CRB2: variants seen among roughly 807,000 people sequenced by gnomAD.
CRB2 encodes protein crumbs homolog 2.
In CRB2, 85 loss-of-function variants were observed where a neutral mutation model predicts 110.9. The observed-to-expected ratio is 0.77, with a 90% CI of 0.64 to 0.92. The LOEUF (loss-of-function observed/expected upper bound fraction) is 0.92, where lower values mean the gene tolerates loss of function less well. Among genes scored for constraint, CRB2 ranks in the 40% least tolerant of loss-of-function variants. The pLI, the probability that CRB2 is intolerant of heterozygous loss-of-function variation, is 0.00. For synonymous variants in CRB2, 907 were observed against 831.0 expected (o/e 1.09, Z -1.57); for missense variants, 1,843 against 1,851.3 (o/e 1.00, Z 0.08).
In CRB2 at chr9:123,366,052, T is replaced by G; in HGVS notation, c.554T>G (p.Leu185Arg). ...GYGGTRCQLDLDECQSQPCAH... is the reference protein window; with the variant it reads ...GYGGTRCQLDRDECQSQPCAH... ...GGGGGCACCCGTTGCCAGCTGGACC[T>G]CGACGAGTGCCAGAGCCAGCCGTGC... Residue 185 changes from leucine (L) to arginine (R), a missense_variant, in exon 3 of 13, where the codon CTC becomes CGC. Physicochemically the swap from Leu to Arg is moderately radical, Grantham distance 102. Transcript: ENST00000373631. 6.3e-7 allele frequency: 1 copy of G among 1,580,818 alleles called. No individual in the cohort carries two copies. Among genetic ancestry groups the G allele is most frequent in the Non-Finnish European group, 8.5e-7 (1 of 1,171,138 alleles).
intron 4 of CRB2, 66 bp from the exon 5 acceptor site, chr9:123,367,106 G>A: frequency 1.4e-6 from 2 of 1,478,868 alleles, no homozygotes; most frequent in Non-Finnish European, 1.8e-6. Flanking sequence ...CGCTAGCCTG[G>A]TCATAGTGAA....
rs1245648995 is a variant in CRB2 at position 123,371,365 on chromosome 9, G to T, written c.2223G>T (p.Leu741=). The change falls in exon 8 of 13, where the codon CTG becomes CTT. Residue 741 remains leucine, a synonymous_variant. Transcript: ENST00000373631. The part of the protein sequence containing the change: ...LSFGPDQLQD[L]GQHVHVGGRL... ...TCGGGCCTGACCAGCTGCAGGACCT[G>T]GGGCAGCACGTGCACGTGGGTGGGA... The T allele has an allele frequency of 2.5e-6, 4 of 1,604,934 alleles. No homozygotes were observed. The highest frequency in any genetic ancestry group is 1.1e-5 in the South Asian group (1 of 89,580).
Position 123,371,093 on chromosome 9 carries a change from T to G in CRB2, c.1951T>G (p.Leu651Val), listed in dbSNP as rs769924172. 3 of 1,613,136 alleles carry G rather than the reference T, an allele frequency of 1.9e-6. No individual in the cohort carries two copies. The South Asian group carries it at 3.3e-5, about 18-fold the overall frequency. Residue 651 changes from leucine to valine, a missense_variant, in exon 8 of 13, where the codon TTG (leucine) becomes GTG (valine). Transcript: ENST00000373631. ...ADEIPAATFGLGGAPSSASFL... is the reference protein window; with the variant it reads ...ADEIPAATFGVGGAPSSASFL... ...AGAGATTCCTGCTGCCACCTTTGGC[T>G]TGGGAGGCGCCCCAAGCTCTGCCTC...
At chr9:123,359,443 T>TTTTTTTTTTTTTTTTTTG (rs2041839042) in intron 1 of CRB2, among the ~76,000 whole-genome samples, 1 of 44,090 alleles carries the variant, frequency 2.3e-5, no homozygotes, top group African/African-American at 5.4e-5. Flanking sequence ...TTTGTTTTGT[T>TTTTTTTTTTTTTTTTTTG]TTTTTTTTTT....
At chr9:123,379,432 G>C (rs12005921), downstream of CRB2, among the ~76,000 whole-genome samples, 1 of 152,196 alleles carries the variant, frequency 6.6e-6, no homozygotes, top group East Asian at 1.9e-4. Context: ...GGGCTGAGCA[G>C]GCCTGTTGCC....
At position 123,374,621 on chromosome 9, in the gene CRB2, C is replaced by T. The variant is rs747123538; in HGVS notation, c.3432C>T (p.Cys1144=). The stretch of plus-strand genomic sequence containing the variant: ...AGGAGTGCAGCCTGAATGTCACCTG[C>T]CTCGATGGCAGCCCATGTGAGGGTG... ...PSKECSLNVT[C]LDGSPCEGGS... is the part of the protein sequence containing the mutation. The change falls in exon 11 of 13, where the codon TGC becomes TGT. Residue 1144 remains cysteine (C), a synonymous_variant. Transcript: ENST00000373631. 1.9e-6 allele frequency: 3 copies of T among 1,613,454 alleles called. No homozygotes were observed. Among genetic ancestry groups the T allele is most frequent in the Non-Finnish European group, 2.5e-6 (3 of 1,179,958 alleles).
intron 12 of CRB2, among the ~76,000 whole-genome samples, chr9:123,376,524 G>A (rs2042105605): frequency 6.6e-6 from 1 of 152,184 alleles, no homozygotes; most frequent in Non-Finnish European, 1.5e-5. Flanking sequence ...TCTGCCTCAT[G>A]AGACCCTCGT....
rs759103285 is a variant in CRB2 at position 123,372,340 on chromosome 9, TGTGTGA to T, written c.2602+4_2602+9del. ...TGTGAGGAGGTCCCTGATGGCTTTGTGTGTGAGTGTGTGTCCTGGGCAGCTCCCGTG... is the reference window on the plus strand; with the variant it reads ...TGTGAGGAGGTCCCTGATGGCTTTGTGTGTGTGTCCTGGGCAGCTCCCGTG... On this transcript the variant is annotated splice_donor_variant and splice_donor_region_variant and coding_sequence_variant and intron_variant, in exon 9 of 13. Coordinates refer to ENST00000373631, the MANE Select transcript of CRB2 (RefSeq NM_173689.7). LOFTEE classifies it high-confidence loss of function. 1.9e-6 allele frequency: 3 copies of T among 1,589,378 alleles called. No homozygotes were observed. Among genetic ancestry groups the T allele is most frequent in the African/African-American group, 1.3e-5 (1 of 74,708 alleles).
At chr9:123,360,664 C>CTTT (rs2132736884) in intron 1 of CRB2, among the ~76,000 whole-genome samples, 2 of 152,304 alleles carry the variant, frequency 1.3e-5, no homozygotes, top group Admixed American at 1.3e-4. Flanking sequence ...AATCTGTATT[C>CTTT]TTAATGTGGG....
rs189535802 is a variant in CRB2, at chr9:123,366,477, C to T, written c.754+111C>T. The T allele has an allele frequency of 5.2e-4, 689 of 1,323,666 alleles. 7 individuals are homozygous for T. The African/African-American group carries it at 9.9e-3, about 19-fold the overall frequency. The allele number at this position is 1,323,666 out of a possible 1,614,324, so 82.0% of individuals were successfully genotyped here. On this transcript the variant is annotated intron_variant, in intron 4 of 12. Transcript: ENST00000373631. ...TGCACGCGAGTGCCCGCTGGGTCCT[C>T]GGGACCAGAGTGTGTGTGTGATTGC...
At chr9:123,368,645 A>T (rs1380304853) in intron 6 of CRB2, 1 of 344,432 alleles carries the variant, frequency 2.9e-6, no homozygotes, top group Non-Finnish European at 4.3e-6. Context: ...AGTTGAGCTC[A>T]CTGTTGGGTG....
chr9:123,374,553 C>T (rs1214830683), intron 10 of CRB2, 26 bp from the exon 11 acceptor site: 3 of 1,563,934 alleles, frequency 1.9e-6, no homozygotes, highest in Non-Finnish European at 2.6e-6. Flanking sequence ...GTCCTGCACC[C>T]ACTCCAGCCT....
At chr9:123,365,389 T>G (rs1262960136) in intron 2 of CRB2, among the ~76,000 whole-genome samples, 1 of 152,070 alleles carries the variant, frequency 6.6e-6, no homozygotes, top group African/African-American at 2.4e-5. Flanking sequence ...CACTGACACC[T>G]CCCACCCGAC....
rs767661644 is a variant in CRB2, at chr9:123,375,275, C to T, written c.3565C>T (p.Arg1189Trp). Residue 1189 changes from arginine (R) to tryptophan (W), a missense_variant, in exon 12 of 13, where the codon CGG becomes TGG. Arg to Trp is a moderately radical substitution (Grantham distance 101). Transcript: ENST00000373631. ...ANPCLNGGTC[R>W]AAGGVSECIC... ...CCCCTGCTTGAATGGGGGCACCTGCCGGGCAGCTGGAGGGGTGTCTGAATG... is the reference window on the plus strand; with the variant it reads ...CCCCTGCTTGAATGGGGGCACCTGCTGGGCAGCTGGAGGGGTGTCTGAATG... 29 of 1,611,972 alleles carry T rather than the reference C, an allele frequency of 1.8e-5. No individual in the cohort carries two copies. The East Asian group carries it at 2.5e-4, about 14-fold the overall frequency.
upstream of CRB2, among the ~76,000 whole-genome samples, chr9:123,355,681 C>T (rs1346040064): frequency 2.0e-5 from 2 of 101,694 alleles, no homozygotes; most frequent in Admixed American, 1.2e-4. Context: ...TTGGGCTGCC[C>T]GATGGGAGGT....
At chr9:123,375,117 G>A in intron 11 of CRB2, 100 bp from the exon 12 acceptor site, 3 of 1,556,440 alleles carry the variant, frequency 1.9e-6, no homozygotes, top group Non-Finnish European at 2.6e-6. Flanking sequence ...GGATGGATAA[G>A]CTCTGATGCT....
At position 123,373,804 on chromosome 9, in the gene CRB2, C is replaced by T. The variant is rs754880909; in HGVS notation, c.3273C>T (p.Cys1091=). 5.7e-6 allele frequency: 9 copies of T among 1,589,304 alleles called. No homozygotes were observed. The highest frequency in any genetic ancestry group is 2.3e-5 in the East Asian group (1 of 44,076). ...GCCCGGGGTGGGAAGGCCCGCGCTG[C>T]GAAGCCCACGTCGACCCCTGTCACT... ...ACGPGWEGPR[C]EAHVDPCHSA... is the part of the protein sequence containing the mutation. The change falls in exon 10 of 13, where the codon TGC becomes TGT. Residue 1091 remains cysteine, a synonymous_variant. Coordinates refer to ENST00000373631, the MANE Select transcript of CRB2 (RefSeq NM_173689.7).
At position 123,367,195 on chromosome 9, in the gene CRB2, G is replaced by T. The variant is rs979909568; in HGVS notation, c.778G>T (p.Val260Leu). Residue 260 changes from valine to leucine, a missense_variant, in exon 5 of 13, where the codon GTG becomes TTG. Coordinates refer to ENST00000373631, the MANE Select transcript of CRB2 (RefSeq NM_173689.7). ...AGGCTACAGCGGCGAGCTGTGCGAG[G>T]TGGACGAGGACGAGTGTGCATCGAG... ...WPGYSGELCE[V>L]DEDECASSPC... 1 of 1,600,788 alleles carries T rather than the reference G, an allele frequency of 6.2e-7. No homozygotes were observed. The highest frequency in any genetic ancestry group is 8.5e-7 in the Non-Finnish European group (1 of 1,177,998).
At position 123,356,232 on chromosome 9, in the gene CRB2, C is replaced by T; in HGVS notation, c.-29C>T. The T allele has an allele frequency of 1.5e-6, 2 of 1,358,556 alleles. No homozygotes were observed. Among genetic ancestry groups the T allele is most frequent in the Non-Finnish European group, 1.9e-6 (2 of 1,056,900 alleles). The allele number at this position is 1,358,556 out of a possible 1,614,324, so 84.2% of individuals were successfully genotyped here. A position where few individuals can be genotyped will look rare whatever the true frequency, so the allele number is the denominator to read the frequency against. On this transcript the variant is annotated 5_prime_UTR_variant, in exon 1 of 13. Transcript: ENST00000373631. ...CCAGGCCGCCCTCCCGTTCTCACAGCAGCCGAGCAGAGCGCAGAGCGGGCT... is the reference window on the plus strand; with the variant it reads ...CCAGGCCGCCCTCCCGTTCTCACAGTAGCCGAGCAGAGCGCAGAGCGGGCT...
Sources: gnomAD v4.1 joint callset for allele counts (sites outside exome capture counted in the v4.1 genomes callset) on GRCh38, gnomAD v4.1.1 for gene constraint, MANE v1.5 for transcripts, NCBI Gene and HGNC (gene_info 2026-07-23, HGNC 2026-07-21) for gene names.